Variants in EPHA3 observed in about 807,000 individuals in gnomAD.
EPHA3 encodes the protein EPH receptor A3.
Under a neutral mutation model 107.1 loss-of-function variants are expected in EPHA3, and 42 were observed. The observed-to-expected ratio is 0.39, with a 90% CI of 0.31 to 0.51. The LOEUF (loss-of-function observed/expected upper bound fraction) is 0.51. Among genes scored for constraint, EPHA3 ranks in the 20% least tolerant of loss-of-function variants. The pLI, the probability that EPHA3 is intolerant of heterozygous loss-of-function variation, is 0.78. For missense variants in EPHA3, 1,183 were observed against 1,211.2 expected, an observed-to-expected ratio of 0.98 and a Z score of 0.35; for synonymous variants, 461 against 424.8, an observed-to-expected ratio of 1.09 and a Z score of -1.05.
chr3:89,219,145 T>A (rs1704287490), intron 3 of EPHA3, among the ~76,000 whole-genome samples: 1 of 152,162 alleles, frequency 6.6e-6, no homozygotes, highest in South Asian at 2.1e-4. Flanking sequence ...TTTCATCATT[T>A]ACCCATTTTT....
chr3:89,258,232 C>A (rs979603596), intron 3 of EPHA3, among the ~76,000 whole-genome samples: 11 of 152,036 alleles, frequency 7.2e-5, no homozygotes, highest in Non-Finnish European at 1.5e-4. Flanking sequence ...AAACAGGGGG[C>A]CATGGGGGAG....
chr3:89,183,210 A>G (rs1393595376), intron 2 of EPHA3, among the ~76,000 whole-genome samples: 2 of 151,986 alleles, frequency 1.3e-5, no homozygotes, highest in Non-Finnish European at 1.5e-5. Flanking sequence ...TTCTACATGT[A>G]CCTTTCTATA....
At chr3:89,108,327 G>A (rs140741713) in intron 1 of EPHA3, among the ~76,000 whole-genome samples, 196 of 152,264 alleles carry the variant, frequency 1.3e-3, no homozygotes, top group Admixed American at 2.1e-3. Context: ...AGAGTTTGTC[G>A]AAGCGGAGGT....
chr3:89,107,847 T>C lies in EPHA3; in HGVS notation c.88+11T>C, dbSNP rs1707009916. 3 of 1,613,106 alleles carry C rather than the reference T, an allele frequency of 1.9e-6. No individual in the cohort carries two copies. The highest frequency in any genetic ancestry group is 2.5e-6 in the Non-Finnish European group (3 of 1,179,266). The stretch of plus-strand genomic sequence containing the variant: ...AGCCTTCCAATGAAGGTAAGCCAGG[T>C]ACCGCGACGCACGGAGCTCTGCCCC... On this transcript the variant is annotated intron_variant, in intron 1 of 16. Transcript: ENST00000336596.
At chr3:89,447,985 G>T (rs190692172) in intron 13 of EPHA3, among the ~76,000 whole-genome samples, 1 of 152,128 alleles carries the variant, frequency 6.6e-6, no homozygotes, top group African/African-American at 2.4e-5. Flanking sequence ...GAGGATGTGA[G>T]TTCTTTCTTT....
At chr3:89,192,115 G>T (rs1705730481) in intron 2 of EPHA3, among the ~76,000 whole-genome samples, 2 of 152,056 alleles carry the variant, frequency 1.3e-5, no homozygotes, top group African/African-American at 4.8e-5. Flanking sequence ...ACTATATTAG[G>T]TTTATAAATA....
chr3:89,477,191 T>C (rs1217258335), intron 16 of EPHA3, among the ~76,000 whole-genome samples: 1 of 152,144 alleles, frequency 6.6e-6, no homozygotes, highest in East Asian at 1.9e-4. Context: ...AGAAGTAGCA[T>C]ACATTACTCC....
At chr3:89,258,563 G>A (rs923381052) in intron 3 of EPHA3, among the ~76,000 whole-genome samples, 5 of 151,806 alleles carry the variant, frequency 3.3e-5, no homozygotes, top group Middle Eastern at 3.4e-3. Context: ...TAATATATAT[G>A]GAAAAATAAA....
At chr3:89,111,579 A>G (rs2106940313) in intron 1 of EPHA3, among the ~76,000 whole-genome samples, 1 of 138,154 alleles carries the variant, frequency 7.2e-6, no homozygotes, top group Admixed American at 9.0e-5. Context: ...TATTTTCACT[A>G]TTTTATAACC....
chr3:89,205,423 A>G (rs1706076925), intron 2 of EPHA3, among the ~76,000 whole-genome samples: 1 of 152,192 alleles, frequency 6.6e-6, no homozygotes, highest in Admixed American at 6.5e-5. Context: ...GAGCCTCCTT[A>G]GTATCTTATA....
chr3:89,169,283 C>T (rs911552734), intron 2 of EPHA3, among the ~76,000 whole-genome samples: 11 of 152,060 alleles, frequency 7.2e-5, no homozygotes, highest in African/African-American at 2.2e-4. Flanking sequence ...AGGGCATCCA[C>T]ATTTGCAGTA....
Position 89,292,513 on chromosome 3 carries a change from C to T in EPHA3, c.815-48403C>T, listed in dbSNP as rs867645126. Among the ~76,000 whole-genome samples the T allele has an allele frequency of 2.4e-4, 37 of 152,140 alleles. 1 individual carries two copies. Among genetic ancestry groups the T allele is most frequent in the Admixed American group, 1.3e-3 (20 of 15,266 alleles). On this transcript the variant is annotated intron_variant, in intron 3 of 16. Transcript: ENST00000336596. Reference sequence around the variant, plus strand: ...TGACTATAATTTAGTAAAACTTTTACATGGAATGTAGAAAGCATACCTTTA... The same window carrying T: ...TGACTATAATTTAGTAAAACTTTTATATGGAATGTAGAAAGCATACCTTTA...
chr3:89,283,269 A>G (rs1449831146), intron 3 of EPHA3, among the ~76,000 whole-genome samples: 1 of 152,128 alleles, frequency 6.6e-6, no homozygotes, highest in African/African-American at 2.4e-5. Context: ...TGTAACTGAA[A>G]CGTCATGGAA....
At chr3:89,325,974 A>G (rs1048331555) in intron 3 of EPHA3, among the ~76,000 whole-genome samples, 60 of 151,320 alleles carry the variant, frequency 4.0e-4, no homozygotes, top group Admixed American at 3.5e-3. Flanking sequence ...TAATATAACC[A>G]AAGATTATAT....
intron 15 of EPHA3, among the ~76,000 whole-genome samples, chr3:89,472,230 T>C (rs542116678): frequency 1.4e-4 from 21 of 152,252 alleles, no homozygotes; most frequent in Admixed American, 1.2e-3. Flanking sequence ...AAATTTTCAG[T>C]GATTTAAAAG....
intron 13 of EPHA3, among the ~76,000 whole-genome samples, chr3:89,438,453 G>A (rs1341976436): frequency 1.3e-5 from 2 of 151,970 alleles, no homozygotes; most frequent in Middle Eastern, 3.2e-3. Context: ...AAGAAAAGTG[G>A]CTAAGCAAGT....
chr3:89,244,443 AT>A (rs1704983768), intron 3 of EPHA3, among the ~76,000 whole-genome samples: 1 of 151,956 alleles, frequency 6.6e-6, no homozygotes, highest in African/African-American at 2.4e-5. Flanking sequence ...ACATATTTAA[AT>A]TTTTTCCAGT....
At chr3:89,210,819 C>A (rs1489126748) in intron 3 of EPHA3, among the ~76,000 whole-genome samples, 3 of 152,000 alleles carry the variant, frequency 2.0e-5, no homozygotes, top group African/African-American at 7.2e-5. Context: ...TTCTAGACCA[C>A]CTGGAAGAAA....
intron 1 of EPHA3, among the ~76,000 whole-genome samples, chr3:89,123,784 T>C (rs1163746733): frequency 6.6e-6 from 1 of 152,222 alleles, no homozygotes; most frequent in Non-Finnish European, 1.5e-5. Flanking sequence ...ACATTTCCAA[T>C]TTAAATCACT....
Sources: gnomAD v4.1 joint callset for allele counts (sites outside exome capture counted in the v4.1 genomes callset) on GRCh38, gnomAD v4.1.1 for gene constraint, MANE v1.5 for transcripts, NCBI Gene and HGNC (gene_info 2026-07-23, HGNC 2026-07-21) for gene names.